MEGF11: variants seen among roughly 807,000 people sequenced by gnomAD.
MEGF11 encodes the protein multiple epidermal growth factor-like domains protein 11.
A neutral mutation model predicts 146.6 loss-of-function variants in MEGF11; 126 were observed. The ratio of observed to expected loss-of-function variants is 0.86; its 90% CI spans 0.74 to 1.00. MEGF11 has a LOEUF of 1.00. MEGF11 is among the 50% of genes least tolerant of loss of function. MEGF11 has a pLI of 0.00. For missense variants in MEGF11, 1,509 were observed against 1,521.2 expected, an observed-to-expected ratio of 0.99 and a Z score of 0.13; for synonymous variants, 532 against 583.4, an observed-to-expected ratio of 0.91 and a Z score of 1.27.
At chr15:66,181,698 A>T (rs1325125420) in intron 1 of MEGF11, among the ~76,000 whole-genome samples, 1 of 152,218 alleles carries the variant, frequency 6.6e-6, no homozygotes, top group Non-Finnish European at 1.5e-5. Flanking sequence ...ACAGGTCTAC[A>T]GACCACCCTT....
At chr15:65,968,473 C>T (rs1050264221) in intron 8 of MEGF11, among the ~76,000 whole-genome samples, 1 of 152,172 alleles carries the variant, frequency 6.6e-6, no homozygotes, top group Non-Finnish European at 1.5e-5. Flanking sequence ...AATTCCCTAG[C>T]CCACTATATT....
chr15:65,988,199 G>T (rs1418672511), intron 5 of MEGF11, among the ~76,000 whole-genome samples: 2 of 151,744 alleles, frequency 1.3e-5, no homozygotes, highest in Non-Finnish European at 2.9e-5. Flanking sequence ...TGTAGGGATG[G>T]GATTTCACCA....
At chr15:66,062,878 A>G (rs2084963005) in intron 5 of MEGF11, among the ~76,000 whole-genome samples, 1 of 152,214 alleles carries the variant, frequency 6.6e-6, no homozygotes, top group South Asian at 2.1e-4. Flanking sequence ...GCAAGGGAGC[A>G]ATTATAGGAG....
intron 4 of MEGF11, among the ~76,000 whole-genome samples, chr15:66,114,986 C>T (rs567599334): frequency 2.0e-5 from 3 of 152,210 alleles, no homozygotes; most frequent in Non-Finnish European, 4.4e-5. Context: ...CCTATGTCAC[C>T]GCTGCTCCAC....
intron 5 of MEGF11, among the ~76,000 whole-genome samples, chr15:66,056,307 G>C (rs2084672326): frequency 6.6e-6 from 1 of 152,134 alleles, no homozygotes; most frequent in Admixed American, 6.5e-5. Context: ...AAAAGGAGCA[G>C]GACTTAACCT....
chr15:66,010,998 C>G (rs1247370823), intron 5 of MEGF11, among the ~76,000 whole-genome samples: 2 of 152,150 alleles, frequency 1.3e-5, no homozygotes, highest in African/African-American at 4.8e-5. Flanking sequence ...TGGAGACTCT[C>G]TATGTGGCAG....
chr15:66,170,660 T>C (rs533428689), intron 1 of MEGF11, among the ~76,000 whole-genome samples: 4 of 152,272 alleles, frequency 2.6e-5, no homozygotes, highest in Middle Eastern at 3.4e-3. Context: ...AAGAGGTTCT[T>C]ATTATTGTCG....
chr15:66,001,686 G>A (rs1390341431), intron 5 of MEGF11, among the ~76,000 whole-genome samples: 2 of 152,262 alleles, frequency 1.3e-5, no homozygotes, highest in Non-Finnish European at 2.9e-5. Context: ...TGAAGAGGTG[G>A]AGGTGGGAGG....
chr15:65,958,665 T>G (rs904924180), intron 9 of MEGF11, among the ~76,000 whole-genome samples: 28 of 152,180 alleles, frequency 1.8e-4, no homozygotes, highest in Admixed American at 1.8e-3. Context: ...CTGGCAAACT[T>G]TCTTAGAACC....
intron 1 of MEGF11, among the ~76,000 whole-genome samples, chr15:66,161,118 A>G (rs2089939144): frequency 6.6e-6 from 1 of 152,176 alleles, no homozygotes; most frequent in Admixed American, 6.5e-5. Flanking sequence ...TGGGACAAAC[A>G]CCTAAAGTAG....
At chr15:66,235,441 G>T (rs2092067979) in intron 1 of MEGF11, among the ~76,000 whole-genome samples, 1 of 151,864 alleles carries the variant, frequency 6.6e-6, no homozygotes, top group Admixed American at 6.6e-5. Context: ...GGTTGAGGCT[G>T]CAGTGAGCCA....
intron 5 of MEGF11, among the ~76,000 whole-genome samples, chr15:66,026,900 T>C (rs1723794158): frequency 6.6e-6 from 1 of 152,236 alleles, no homozygotes; most frequent in African/African-American, 2.4e-5. Flanking sequence ...AGGAGCCTTA[T>C]AGGATCAGTG....
chr15:65,958,159 C>A (rs902103216), intron 9 of MEGF11, among the ~76,000 whole-genome samples: 1 of 152,226 alleles, frequency 6.6e-6, no homozygotes, highest in Non-Finnish European at 1.5e-5. Flanking sequence ...AATGATACCC[C>A]AGTGGCTCTC....
intron 1 of MEGF11, among the ~76,000 whole-genome samples, chr15:66,136,244 C>A (rs1449129446): frequency 6.6e-6 from 1 of 152,204 alleles, no homozygotes; most frequent in South Asian, 2.1e-4. Flanking sequence ...TGGTGAAACG[C>A]GGAGATCAGT....
At chr15:65,939,182 C>A (rs1051005363) in intron 10 of MEGF11, among the ~76,000 whole-genome samples, 10 of 152,162 alleles carry the variant, frequency 6.6e-5, no homozygotes, top group African/African-American at 2.4e-4. Context: ...CATGAGCCTG[C>A]CAGCCTGTGG....
intron 5 of MEGF11, among the ~76,000 whole-genome samples, chr15:66,081,856 G>A (rs760301785): frequency 7.9e-5 from 12 of 152,182 alleles, no homozygotes; most frequent in Non-Finnish European, 1.8e-4. Context: ...CCAATGTAGT[G>A]CTGTGTGGAG....
chr15:66,225,680 A>G (rs977652802), intron 1 of MEGF11, among the ~76,000 whole-genome samples: 13 of 152,138 alleles, frequency 8.5e-5, no homozygotes, highest in Non-Finnish European at 1.6e-4. Flanking sequence ...ACATACATAT[A>G]CAATCATAGA....
At chr15:65,972,212 T>A (rs2081319325) in intron 7 of MEGF11, among the ~76,000 whole-genome samples, 1 of 151,928 alleles carries the variant, frequency 6.6e-6, no homozygotes, top group Non-Finnish European at 1.5e-5. Flanking sequence ...TTCCAGACAG[T>A]AGAACAGAGA....
chr15:65,982,386 C>A lies in MEGF11; in HGVS notation c.497G>T (p.Gly166Val), dbSNP rs1232008653. Reference sequence around the variant, plus strand: ...CTCCTCGCAGCGCCATCCACGGAAGCCGGCGGCGCACACGCAGGCGCCTGT... The same window carrying A: ...CTCCTCGCAGCGCCATCCACGGAAGACGGCGGCGCACACGCAGGCGCCTGT... Reference protein sequence around the residue: ...PITGACVCAAGFRGWRCEELC... With the variant: ...PITGACVCAAVFRGWRCEELC... Residue 166 changes from glycine (G) to valine (V), a missense_variant, in exon 6 of 26, where the codon GGC becomes GTC. Physicochemically the swap from Gly to Val is moderately radical, Grantham distance 109. Coordinates refer to ENST00000395614, the MANE Select transcript of MEGF11 (RefSeq NM_001385028.1). This position sits in a 1 kb window ranked among gnomAD's most constrained non-coding sequence, Gnocchi z 5.6. 1.3e-6 allele frequency: 2 copies of A among 1,532,364 alleles called. No homozygotes were observed. Among genetic ancestry groups the A allele is most frequent in the Non-Finnish European group, 8.8e-7 (1 of 1,141,578 alleles). The allele number at this position is 1,532,364 out of a possible 1,614,324, so 94.9% of individuals were successfully genotyped here.
Sources: gnomAD v4.1 joint callset for allele counts (sites outside exome capture counted in the v4.1 genomes callset) on GRCh38, gnomAD v4.1.1 for gene constraint, Gnocchi (gnomAD v3.1) non-coding constraint, MANE v1.5 for transcripts, NCBI Gene and HGNC (gene_info 2026-07-23, HGNC 2026-07-21) for gene names.